Variants in ZNF84 observed in about 807,000 individuals in gnomAD.
ZNF84 encodes the protein zinc finger protein 84, also known as zinc finger protein HPF2.
Under a neutral mutation model 14.8 loss-of-function variants are expected in ZNF84, and 12 were observed. The ratio of observed to expected loss-of-function variants is 0.81; its 90% CI spans 0.52 to 1.31. ZNF84 has a LOEUF of 1.31. ZNF84 is among the 50% of genes most tolerant of loss of function. The pLI, the probability that ZNF84 is intolerant of heterozygous loss-of-function variation, is 0.00. For missense variants in ZNF84, 859 were observed against 878.6 expected (o/e 0.98, Z 0.28); for synonymous variants, 347 against 291.1 (o/e 1.19, Z -1.96).
intron 1 of ZNF84, among the ~76,000 whole-genome samples, chr12:133,040,122 G>A (rs1201648377): frequency 4.6e-5 from 7 of 152,070 alleles, no homozygotes; most frequent in South Asian, 2.1e-4. Flanking sequence ...AATTACAGGC[G>A]TAAGCCATCG....
Position 133,059,014 on chromosome 12 carries a change from T to A in ZNF84, c.*82T>A. On this transcript the variant is annotated 3_prime_UTR_variant, in exon 5 of 5. Coordinates refer to ENST00000539354, the MANE Select transcript of ZNF84 (RefSeq NM_001289971.2). ...ATGATAACGTTTGTAGACAGTCACG[T>A]CATGTTAGGTGTTTGTACTCCATGA... The A allele has an allele frequency of 7.4e-7, 1 of 1,351,118 alleles. No homozygotes were observed. Among genetic ancestry groups the A allele is most frequent in the South Asian group, 1.4e-5 (1 of 72,102 alleles). The allele number at this position is 1,351,118 out of a possible 1,614,324, so 83.7% of individuals were successfully genotyped here. A position where few individuals can be genotyped will look rare whatever the true frequency, so the allele number is the denominator to read the frequency against.
chr12:133,047,807 AT>A, intron 2 of ZNF84, 147 bp from the exon 3 acceptor site: 1 of 827,924 alleles, frequency 1.2e-6, no homozygotes. Context: ...GCACAATGAC[AT>A]TTTATCACAC....
At chr12:133,055,978 GT>G (rs1293499838) in intron 4 of ZNF84, among the ~76,000 whole-genome samples, 1 of 152,134 alleles carries the variant, frequency 6.6e-6, no homozygotes, top group African/African-American at 2.4e-5. Context: ...GTGCATGCCT[GT>G]TGTCCCAACT....
rs1289605010 is a variant in ZNF84 at position 133,057,906 on chromosome 12, T to C, written c.1191T>C (p.His397=). The change falls in exon 5 of 5, where the codon CAT becomes CAC. Residue 397 remains histidine, a synonymous_variant. Coordinates refer to ENST00000539354, the MANE Select transcript of ZNF84 (RefSeq NM_001289971.2). ...KSELIRHQTI[H]TGEKPYECSE... is the part of the protein sequence containing the mutation. The stretch of plus-strand genomic sequence containing the variant: ...AGCTTATTAGACATCAGACAATTCA[T>C]ACTGGAGAGAAACCCTATGAATGCA... 3 of 1,613,974 alleles carry C rather than the reference T, an allele frequency of 1.9e-6. No homozygotes were observed. The highest frequency in any genetic ancestry group is 2.7e-5 in the African/African-American group (2 of 74,914).
At position 133,057,470 on chromosome 12, in the gene ZNF84, C is replaced by T. The variant is rs1163820146; in HGVS notation, c.755C>T (p.Thr252Ile). The part of the protein sequence containing the change: ...KTFPQKSQFI[T>I]HHRTHTGEKP... ...TTTCCCCAGAAGTCTCAGTTTATTA[C>T]ACATCACAGAACTCATACAGGAGAA... The change falls in exon 5 of 5, where the codon ACA (threonine) becomes ATA (isoleucine). Residue 252 changes from threonine to isoleucine, a missense_variant. Physicochemically the swap from Thr to Ile is moderately conservative, Grantham distance 89 (BLOSUM62 -1). Coordinates refer to ENST00000539354, the MANE Select transcript of ZNF84 (RefSeq NM_001289971.2). 2 of 1,614,090 alleles carry T rather than the reference C, an allele frequency of 1.2e-6. No homozygotes were observed. Among genetic ancestry groups the T allele is most frequent in the Non-Finnish European group, 1.7e-6 (2 of 1,180,046 alleles).
At chr12:133,049,988 A>G (rs1345517303) in intron 4 of ZNF84, among the ~76,000 whole-genome samples, 1 of 152,202 alleles carries the variant, frequency 6.6e-6, no homozygotes, top group Non-Finnish European at 1.5e-5. Flanking sequence ...CTCCTAAAGC[A>G]TCCCACACTA....
Position 133,041,498 on chromosome 12 carries a change from A to T in ZNF84, c.15+16A>T. ...CATGTTACAGGTGAGTTGATTGTTG[A>T]GTTCTTATTTTTTCCCAGGGAATTA... On this transcript the variant is annotated intron_variant, in intron 2 of 4. Coordinates refer to ENST00000539354, the MANE Select transcript of ZNF84 (RefSeq NM_001289971.2). 6.2e-7 allele frequency: 1 copy of T among 1,613,778 alleles called. No homozygotes were observed. The highest frequency in any genetic ancestry group is 8.5e-7 in the Non-Finnish European group (1 of 1,179,634).
chr12:133,061,609 C>G lies in ZNF84; in HGVS notation c.*2677C>G, dbSNP rs1200821524. ...CCCTATTTTTTCTTTCCATCTATCACCATTCTCTTTCCAATCCCAGAGATT... is the reference window on the plus strand; with the variant it reads ...CCCTATTTTTTCTTTCCATCTATCAGCATTCTCTTTCCAATCCCAGAGATT... On this transcript the variant is annotated 3_prime_UTR_variant, in exon 5 of 5. Transcript: ENST00000539354. The G allele has an allele frequency of 6.6e-6, 1 of 152,148 alleles. No individual in the cohort carries two copies. Among genetic ancestry groups the G allele is most frequent in the Non-Finnish European group, 1.5e-5 (1 of 68,032 alleles). 9.4% of individuals were successfully genotyped at this position (152,148 alleles called of 1,614,324 possible).
chr12:133,050,110 G>A (rs1452401344), intron 4 of ZNF84, among the ~76,000 whole-genome samples: 1 of 152,164 alleles, frequency 6.6e-6, no homozygotes, highest in Non-Finnish European at 1.5e-5. Flanking sequence ...AACTTATTGG[G>A]GACATGGTCC....
chr12:133,041,951 C>T (rs1279420103), intron 2 of ZNF84, among the ~76,000 whole-genome samples: 10 of 152,136 alleles, frequency 6.6e-5, no homozygotes, highest in Non-Finnish European at 1.5e-4. Flanking sequence ...TTTCCAATTT[C>T]CCATGGTTTG....
intron 3 of ZNF84, 38 bp downstream of exon 3, chr12:133,048,119 A>C (rs1954014334): frequency 6.4e-7 from 1 of 1,566,760 alleles, no homozygotes; most frequent in East Asian, 2.3e-5. Context: ...GACTATGCCC[A>C]ATGCATTGCC....
chr12:133,059,017 T>C lies in ZNF84; in HGVS notation c.*85T>C, dbSNP rs1954212177. On this transcript the variant is annotated 3_prime_UTR_variant, in exon 5 of 5. Coordinates refer to ENST00000539354, the MANE Select transcript of ZNF84 (RefSeq NM_001289971.2). ...ATAACGTTTGTAGACAGTCACGTCA[T>C]GTTAGGTGTTTGTACTCCATGAGGA... 19 of 1,325,652 alleles carry C rather than the reference T, an allele frequency of 1.4e-5. No homozygotes were observed. Among genetic ancestry groups the C allele is most frequent in the Non-Finnish European group, 9.3e-6 (9 of 971,814 alleles). The allele number at this position is 1,325,652 out of a possible 1,614,324, so 82.1% of individuals were successfully genotyped here.
At chr12:133,047,765 T>G (rs1417850422) in intron 2 of ZNF84, 190 bp from the exon 3 acceptor site, 9 of 528,486 alleles carry the variant, frequency 1.7e-5, no homozygotes, top group African/African-American at 1.5e-4. Flanking sequence ...ATCTTTAGGT[T>G]AACAGTTGTA....
At chr12:133,050,130 T>C (rs1954047537) in intron 4 of ZNF84, among the ~76,000 whole-genome samples, 1 of 152,188 alleles carries the variant, frequency 6.6e-6, no homozygotes, top group Non-Finnish European at 1.5e-5. Context: ...CCCACAAATG[T>C]AGTGAGAGAA....
chr12:133,048,986 A>G, intron 4 of ZNF84, 138 bp downstream of exon 4: 1 of 630,396 alleles, frequency 1.6e-6, no homozygotes, highest in South Asian at 2.0e-5. Context: ...CTGGTCATTG[A>G]TGGGTTGGCT....
At chr12:133,051,340 A>G (rs1324179173) in intron 4 of ZNF84, among the ~76,000 whole-genome samples, 1 of 152,136 alleles carries the variant, frequency 6.6e-6, no homozygotes, top group African/African-American at 2.4e-5. Flanking sequence ...AACACTGAGC[A>G]TTTGTTTTAT....
At chr12:133,046,886 A>G (rs1449477465) in intron 2 of ZNF84, among the ~76,000 whole-genome samples, 6 of 142,436 alleles carry the variant, frequency 4.2e-5, no homozygotes, top group African/African-American at 7.9e-5. Flanking sequence ...ATATTTATAT[A>G]TTATTTTTAA....
chr12:133,040,735 T>C (rs1953872396), intron 1 of ZNF84: 1 of 152,156 alleles, frequency 6.6e-6, no homozygotes, highest in African/African-American at 2.4e-5. Flanking sequence ...CATAAGCATA[T>C]AATCCAAACA....
intron 1 of ZNF84, among the ~76,000 whole-genome samples, chr12:133,038,558 C>A (rs1429737607): frequency 8.4e-5 from 12 of 142,302 alleles, no homozygotes; most frequent in Admixed American, 2.1e-4. Context: ...AAGACCCTGT[C>A]AAAAAAAAAA....
Sources: allele counts gnomAD v4.1 joint callset (sites outside exome capture counted in the v4.1 genomes callset), GRCh38; gene constraint gnomAD v4.1.1; transcripts MANE v1.5; gene names NCBI Gene and HGNC (gene_info 2026-07-23, HGNC 2026-07-21).